The following LRMDA variants were observed in gnomAD, a reference collection of about 807,000 sequenced individuals.
The protein encoded by LRMDA is leucine-rich melanocyte differentiation-associated protein.
In LRMDA, 18 loss-of-function variants were observed where a neutral mutation model predicts 29.8. That is an observed-to-expected ratio of 0.60 (90% confidence interval 0.42 to 0.90). The LOEUF (loss-of-function observed/expected upper bound fraction) is 0.90, where lower values mean the gene tolerates loss of function less well. Ranked by LOEUF, LRMDA falls within the 40% of genes least tolerant of loss-of-function variation. The pLI is 0.00. For synonymous variants in LRMDA, 125 were observed against 109.4 expected, an observed-to-expected ratio of 1.14 and a Z score of -0.89; for missense variants, 273 against 273.9, an observed-to-expected ratio of 1.00 and a Z score of 0.02.
chr10:75,940,279 G>A (rs767201464), intron 2 of LRMDA, among the ~76,000 whole-genome samples: 5 of 152,110 alleles, frequency 3.3e-5, no homozygotes, highest in Non-Finnish European at 5.9e-5. Flanking sequence ...GGAAGGGCGT[G>A]TTGATAACCA....
At chr10:75,970,144 G>C (rs955742035) in intron 2 of LRMDA, among the ~76,000 whole-genome samples, 2 of 152,178 alleles carry the variant, frequency 1.3e-5, no homozygotes, top group African/African-American at 2.4e-5. Context: ...ATCAAACACT[G>C]ATCTTCCCCC....
chr10:75,663,698 T>C (rs1444570830), intron 2 of LRMDA, among the ~76,000 whole-genome samples: 5 of 152,202 alleles, frequency 3.3e-5, no homozygotes, highest in African/African-American at 1.2e-4. Flanking sequence ...GTCCAGTCTT[T>C]GGGCTTTTTG....
At chr10:76,049,378 C>T (rs1225954775) in intron 4 of LRMDA, among the ~76,000 whole-genome samples, 1 of 152,206 alleles carries the variant, frequency 6.6e-6, no homozygotes, top group African/African-American at 2.4e-5. Flanking sequence ...TGGCAAGATG[C>T]TTGCACTCTG....
chr10:75,968,171 A>C (rs758907166), intron 2 of LRMDA, among the ~76,000 whole-genome samples: 8 of 152,034 alleles, frequency 5.3e-5, no homozygotes, highest in Non-Finnish European at 8.8e-5. Context: ...CAGGCTCAAA[A>C]GGATAGGCCT....
intron 5 of LRMDA, among the ~76,000 whole-genome samples, chr10:76,149,333 G>T (rs978880167): frequency 6.6e-6 from 1 of 152,226 alleles, no homozygotes; most frequent in Non-Finnish European, 1.5e-5. Context: ...AAAAAGCCTT[G>T]GTCTTGAATC....
At position 75,672,661 on chromosome 10, in the gene LRMDA, C is replaced by T. The variant is rs1047782426; in HGVS notation, c.131+234167C>T. Among the ~76,000 whole-genome samples, 4 of 144,994 alleles carry T rather than the reference C, an allele frequency of 2.8e-5. No individual in the cohort carries two copies. The South Asian group carries it at 9.5e-4, about 34-fold the overall frequency. ...GAGCTCCATCTCAGCTCACTGCCAC[C>T]TCTGCCTCCCTGGTTCGAGCGATTT... On this transcript the variant is annotated intron_variant, in intron 2 of 6. Coordinates refer to ENST00000611255, the MANE Select transcript of LRMDA (RefSeq NM_001305581.2).
intron 2 of LRMDA, among the ~76,000 whole-genome samples, chr10:75,833,437 T>G (rs1363939938): frequency 2.7e-5 from 4 of 148,306 alleles, no homozygotes; most frequent in Non-Finnish European, 5.9e-5. Flanking sequence ...TGGAGCCTTT[T>G]CCTCCTTTGA....
At chr10:76,176,561 A>G (rs983156311) in intron 5 of LRMDA, among the ~76,000 whole-genome samples, 3 of 152,208 alleles carry the variant, frequency 2.0e-5, no homozygotes, top group African/African-American at 7.2e-5. Context: ...TGCGAGATTG[A>G]GGCGGGCGGA....
chr10:76,412,590 A>G (rs1453832712), intron 6 of LRMDA, among the ~76,000 whole-genome samples: 2 of 152,300 alleles, frequency 1.3e-5, no homozygotes, highest in Admixed American at 6.5e-5. Flanking sequence ...GAATATAGAT[A>G]AGTGTCCTTA....
At chr10:75,828,391 C>T (rs1042310318) in intron 2 of LRMDA, among the ~76,000 whole-genome samples, 22 of 152,192 alleles carry the variant, frequency 1.4e-4, no homozygotes, top group African/African-American at 4.8e-4. Flanking sequence ...ATATTGTCTG[C>T]CAAAACTAGG....
intron 2 of LRMDA, among the ~76,000 whole-genome samples, chr10:75,503,196 T>A (rs7092357): frequency 0.1 from 15,298 of 152,130 alleles, 857 homozygotes; most frequent in Non-Finnish European, 0.11. Flanking sequence ...TTTTTTTTTT[T>A]TTATTATTAC....
chr10:76,434,531 A>G (rs1327362164), intron 6 of LRMDA, among the ~76,000 whole-genome samples: 1 of 152,180 alleles, frequency 6.6e-6, no homozygotes, highest in African/African-American at 2.4e-5. Flanking sequence ...TAGCTAACCC[A>G]TAAATCCACC....
chr10:76,232,967 C>G (rs544451326), intron 5 of LRMDA, among the ~76,000 whole-genome samples: 2 of 152,250 alleles, frequency 1.3e-5, no homozygotes, highest in East Asian at 3.9e-4. Flanking sequence ...AAACCAATTA[C>G]GAAAGGGTAG....
chr10:76,552,161 T>A (rs1016739554), intron 6 of LRMDA, among the ~76,000 whole-genome samples: 2 of 152,266 alleles, frequency 1.3e-5, no homozygotes, highest in African/African-American at 4.8e-5. Context: ...TGCACTCCAA[T>A]GTCAAATGCA....
At chr10:75,795,563 T>C (rs913803797) in intron 2 of LRMDA, among the ~76,000 whole-genome samples, 5 of 152,210 alleles carry the variant, frequency 3.3e-5, no homozygotes, top group African/African-American at 9.6e-5. Context: ...GGGTCTATTA[T>C]TGTGTTATCT....
At chr10:75,918,215 A>G (rs1845967271) in intron 2 of LRMDA, among the ~76,000 whole-genome samples, 2 of 152,238 alleles carry the variant, frequency 1.3e-5, no homozygotes, top group Non-Finnish European at 2.9e-5. Context: ...TAGCCGTAGA[A>G]CAGTGGCCTT....
At chr10:75,438,045 T>G (rs1844281337) in intron 1 of LRMDA, among the ~76,000 whole-genome samples, 1 of 152,208 alleles carries the variant, frequency 6.6e-6, no homozygotes, top group Non-Finnish European at 1.5e-5. Context: ...GAGGAGCAAC[T>G]GTTGCAAAAG....
intron 2 of LRMDA, among the ~76,000 whole-genome samples, chr10:75,563,224 C>T (rs895398441): frequency 1.1e-4 from 16 of 152,018 alleles, no homozygotes; most frequent in African/African-American, 2.7e-4. Flanking sequence ...AGGCTTTATT[C>T]GTTTCTTTTT....
rs147677864 is a variant in LRMDA, at chr10:76,389,196, G to C, written c.601+64711G>C. Among the ~76,000 whole-genome samples the C allele has an allele frequency of 2.8e-4, 43 of 152,270 alleles. 1 individual carries two copies. The highest frequency in any genetic ancestry group is 1.0e-3 in the African/African-American group (42 of 41,566). ...GAAAATGCCTCATGAAGGGAGAACG[G>C]CATGTAGAAAGCCCCCAGGCAAGTG... On this transcript the variant is annotated intron_variant, in intron 6 of 6. Transcript: ENST00000611255.
Sources: allele counts gnomAD v4.1 joint callset (sites outside exome capture counted in the v4.1 genomes callset), GRCh38; gene constraint gnomAD v4.1.1; transcripts MANE v1.5; gene names NCBI Gene and HGNC (gene_info 2026-07-23, HGNC 2026-07-21).